PHF21B: variants seen among roughly 807,000 people sequenced by gnomAD.
PHF21B encodes the protein PHD finger protein 4.
In PHF21B, 22 loss-of-function variants were observed where a neutral mutation model predicts 62.2. The observed-to-expected ratio is 0.35, with a 90% CI of 0.25 to 0.51. PHF21B has a LOEUF of 0.51. Among genes scored for constraint, PHF21B ranks in the 20% least tolerant of loss-of-function variants. PHF21B has a pLI of 0.97. For missense variants in PHF21B, 701 were observed against 707.9 expected (o/e 0.99, Z 0.11); for synonymous variants, 341 against 314.7 (o/e 1.08, Z -0.88).
chr22:44,987,136 G>A (rs967997126), intron 2 of PHF21B, among the ~76,000 whole-genome samples: 30 of 152,224 alleles, frequency 2.0e-4, no homozygotes, highest in African/African-American at 3.1e-4. Flanking sequence ...CTTTGGTCAC[G>A]GTGTAGTGGA....
In PHF21B at chr22:45,003,356, G is replaced by A. The variant is rs535884398; in HGVS notation, c.120+5189C>T. ...CTACACAAGCAAGGCTAAGAACGCC[G>A]CAGAGGCAGAAAAGCACTCCAGGTG... On this transcript the variant is annotated intron_variant, in intron 2 of 12. Transcript: ENST00000313237. 40 of 152,314 alleles carry A rather than the reference G, an allele frequency of 2.6e-4. 1 individual carries two copies. In the South Asian group the frequency reaches 7.3e-3, roughly 28 times the overall value. The allele number at this position is 152,314 out of a possible 1,614,324, so 9.4% of individuals were successfully genotyped here.
intron 2 of PHF21B, among the ~76,000 whole-genome samples, chr22:44,930,117 C>T (rs967551725): frequency 3.3e-5 from 5 of 152,238 alleles, no homozygotes; most frequent in African/African-American, 1.2e-4. Flanking sequence ...ACACGAGCAC[C>T]TGCGTCTGCG....
Position 44,893,445 on chromosome 22 carries a change from C to G in PHF21B, c.960+12G>C. ...CACCCTCCTGGTGGCATGGGGCTGG[C>G]GGGTTCCCCACCTCGGTCTCCAGGA... On this transcript the variant is annotated intron_variant, in intron 7 of 12. Transcript: ENST00000313237. 1 of 1,587,462 alleles carries G rather than the reference C, an allele frequency of 6.3e-7. No homozygotes were observed. The highest frequency in any genetic ancestry group is 8.6e-7 in the Non-Finnish European group (1 of 1,167,516).
At chr22:44,931,674 C>T (rs1364490548) in intron 2 of PHF21B, among the ~76,000 whole-genome samples, 1 of 151,970 alleles carries the variant, frequency 6.6e-6, no homozygotes, top group Non-Finnish European at 1.5e-5. Context: ...TTGTGAGGTC[C>T]CCCGTGACCA....
In PHF21B at chr22:44,909,665, C is replaced by G. The variant is rs565393352; in HGVS notation, c.831+4157G>C. Among the ~76,000 whole-genome samples, 4 of 152,376 alleles carry G rather than the reference C, an allele frequency of 2.6e-5. No individual in the cohort carries two copies. The East Asian group carries it at 7.7e-4, about 29-fold the overall frequency. On this transcript the variant is annotated intron_variant, in intron 5 of 12. Coordinates refer to ENST00000313237, the MANE Select transcript of PHF21B (RefSeq NM_138415.5). ...CAGGTTCCCACGTCTGTCTTCACCCCCTACTGCAGTCCGAAAGCCCAGCTG... is the reference window on the plus strand; with the variant it reads ...CAGGTTCCCACGTCTGTCTTCACCCGCTACTGCAGTCCGAAAGCCCAGCTG...
intron 2 of PHF21B, among the ~76,000 whole-genome samples, chr22:44,992,045 C>T (rs951621871): frequency 2.0e-5 from 3 of 152,220 alleles, no homozygotes; most frequent in South Asian, 4.1e-4. Context: ...CAGATGCAAA[C>T]GTCCCTTCTC....
chr22:44,904,667 A>G (rs2071218486), intron 5 of PHF21B, among the ~76,000 whole-genome samples: 1 of 134,574 alleles, frequency 7.4e-6, no homozygotes, highest in African/African-American at 2.8e-5. Flanking sequence ...GAGGCAGCAG[A>G]GGTCAGGGCT....
chr22:44,916,016 AATT>A (rs1199300638), intron 4 of PHF21B, among the ~76,000 whole-genome samples: 1 of 152,186 alleles, frequency 6.6e-6, no homozygotes, highest in Non-Finnish European at 1.5e-5. Context: ...CACTGGTATT[AATT>A]CATGCAGCCG....
intron 3 of PHF21B, among the ~76,000 whole-genome samples, chr22:44,919,925 C>T (rs941429254): frequency 6.6e-6 from 1 of 152,114 alleles, no homozygotes; most frequent in Non-Finnish European, 1.5e-5. Context: ...GGAGTCCAGT[C>T]GGGGGGGACC....
At chr22:44,962,602 A>G (rs966529887) in intron 2 of PHF21B, among the ~76,000 whole-genome samples, 24 of 152,214 alleles carry the variant, frequency 1.6e-4, no homozygotes, top group African/African-American at 5.8e-4. Flanking sequence ...GTAGTAAGTG[A>G]AACCATCATC....
Position 44,946,095 on chromosome 22 carries a change from C to A in PHF21B, c.121-25605G>T, listed in dbSNP as rs140548882. ...CACCGGCTCATCAGGGAGAGTCAGG[C>A]CCTGCGGGAGGGAAGCATGGGGGCT... On this transcript the variant is annotated intron_variant, in intron 2 of 12. Coordinates refer to ENST00000313237, the MANE Select transcript of PHF21B (RefSeq NM_138415.5). Among the ~76,000 whole-genome samples the A allele has an allele frequency of 7.9e-4, 117 of 148,074 alleles. No homozygotes were observed. In the East Asian group the frequency reaches 0.016, roughly 20 times the overall value.
At chr22:44,901,573 C>A (rs937078469) in intron 5 of PHF21B, 2 of 278,742 alleles carry the variant, frequency 7.2e-6, no homozygotes, top group East Asian at 6.7e-5. Context: ...TTATTGAGTT[C>A]TCTTTCCCAT....
At chr22:44,976,732 C>T (rs2072744896) in intron 2 of PHF21B, among the ~76,000 whole-genome samples, 1 of 152,156 alleles carries the variant, frequency 6.6e-6, no homozygotes, top group South Asian at 2.1e-4. Context: ...CCTACAGGCC[C>T]ATTTAAAAAC....
In PHF21B at chr22:44,893,641, C is replaced by T. The variant is rs188304465; in HGVS notation, c.884-108G>A. ...ACCATCCCCTCCTGCTCTGAAGCCT[C>T]TCTGTGTGCTCAGCATCCATGCCAC... On this transcript the variant is annotated intron_variant, in intron 6 of 12. Transcript: ENST00000313237. 80 of 1,067,954 alleles carry T rather than the reference C, an allele frequency of 7.5e-5. No homozygotes were observed. The African/African-American group carries it at 1.0e-3, about 14-fold the overall frequency. The allele number at this position is 1,067,954 out of a possible 1,614,324, so 66.2% of individuals were successfully genotyped here.
Position 45,009,682 on chromosome 22 carries a change from C to T in PHF21B, c.-133G>A. 1 of 812,110 alleles carries T rather than the reference C, an allele frequency of 1.2e-6. No homozygotes were observed. Among genetic ancestry groups the T allele is most frequent in the Non-Finnish European group, 1.8e-6 (1 of 564,286 alleles). 50.3% of individuals were successfully genotyped at this position (812,110 alleles called of 1,614,324 possible). A position where few individuals can be genotyped will look rare whatever the true frequency, so the allele number is the denominator to read the frequency against. On this transcript the variant is annotated 5_prime_UTR_variant, in exon 1 of 13. Coordinates refer to ENST00000313237, the MANE Select transcript of PHF21B (RefSeq NM_138415.5). This position sits in a 1 kb window ranked among gnomAD's most constrained non-coding sequence, Gnocchi z 5.9. ...GGGTTGGGGGGGACACGAGCCCCCT[C>T]CCCCACGGCCGAAAGGGAAGGGGGC...
At chr22:44,884,459 G>A (rs62654741) in intron 12 of PHF21B, among the ~76,000 whole-genome samples, 4 of 37,430 alleles carry the variant, frequency 1.1e-4, no homozygotes, top group African/African-American at 1.7e-4. Context: ...TCACGGTGAT[G>A]AGCACCATCA....
At chr22:44,900,347 CTGGAG>C (rs1328726217) in intron 5 of PHF21B, among the ~76,000 whole-genome samples, 1 of 152,148 alleles carries the variant, frequency 6.6e-6, no homozygotes, top group African/African-American at 2.4e-5. Flanking sequence ...GTTGCCCAGA[CTGGAG>C]TGTAGTGGCA....
chr22:44,893,656 A>C, intron 6 of PHF21B, 123 bp from the exon 7 acceptor site: 4 of 950,722 alleles, frequency 4.2e-6, no homozygotes. Context: ...TGTGCTCAGC[A>C]TCCATGCCAC....
At chr22:44,957,374 TAGA>T (rs1405080360) in intron 2 of PHF21B, among the ~76,000 whole-genome samples, 3 of 152,238 alleles carry the variant, frequency 2.0e-5, no homozygotes, top group South Asian at 2.1e-4. Flanking sequence ...GAACTGACTG[TAGA>T]AGGAGTGAGA....
Sources: gnomAD v4.1 joint callset for allele counts (sites outside exome capture counted in the v4.1 genomes callset) on GRCh38, gnomAD v4.1.1 for gene constraint, Gnocchi (gnomAD v3.1) non-coding constraint, MANE v1.5 for transcripts, NCBI Gene and HGNC (gene_info 2026-07-23, HGNC 2026-07-21) for gene names.